Variants in WDR88 observed in about 807,000 individuals in gnomAD.
WDR88 encodes the protein WD repeat domain 88.
In WDR88, 40 loss-of-function variants were observed where a neutral mutation model predicts 46.8. The ratio of observed to expected loss-of-function variants is 0.86; its 90% confidence interval spans 0.66 to 1.11. WDR88 has a LOEUF of 1.11. Among genes scored for constraint, WDR88 ranks in the 50% most tolerant of loss-of-function variants. WDR88 has a pLI of 0.00. For synonymous variants in WDR88, 235 were observed against 240.7 expected (o/e 0.98, Z 0.22); for missense variants, 562 against 602.4 (o/e 0.93, Z 0.70).
At chr19:33,163,976 G>A (rs779215856) in intron 8 of WDR88, among the ~76,000 whole-genome samples, 1 of 150,298 alleles carries the variant, frequency 6.7e-6, no homozygotes, top group Non-Finnish European at 1.5e-5. Flanking sequence ...TTGACTTTTT[G>A]TTGTTTTTTT....
At chr19:33,166,782 C>A (rs1360584560) in intron 9 of WDR88, among the ~76,000 whole-genome samples, 1 of 150,188 alleles carries the variant, frequency 6.7e-6, no homozygotes, top group Non-Finnish European at 1.5e-5. Flanking sequence ...AGTGGTGGCG[C>A]ACACCTGTAG....
rs765538459 is a variant in WDR88 at position 33,160,416 on chromosome 19, T to C, written c.1000T>C (p.Ser334Pro). ...CACCCTTTCATTTTCTGTTGCAGGC[T>C]CTTTTCTCATTTCTGGAGGGTTTGA... is the stretch of plus-strand genomic sequence containing the variant. The part of the protein sequence containing the change: ...VSSCHFARDS[S>P]FLISGGFDRT... The change falls in exon 8 of 11, where the codon TCT becomes CCT. Residue 334 changes from serine (S) to proline (P), a missense_variant and splice_region_variant. Transcript: ENST00000355868. 6.2e-7 allele frequency: 1 copy of C among 1,614,052 alleles called. No individual in the cohort carries two copies. The highest frequency in any genetic ancestry group is 1.3e-5 in the African/African-American group (1 of 74,924).
chr19:33,139,922 C>T (rs1973354389), intron 2 of WDR88, among the ~76,000 whole-genome samples: 1 of 152,106 alleles, frequency 6.6e-6, no homozygotes, highest in Admixed American at 6.6e-5. Context: ...AGCTGTGTGA[C>T]CCTGGGGGGT....
intron 9 of WDR88, among the ~76,000 whole-genome samples, chr19:33,165,014 T>C (rs141922912): frequency 2.6e-4 from 39 of 151,528 alleles, no homozygotes; most frequent in African/African-American, 5.8e-4. Context: ...AGGCATTAGA[T>C]TCTCATAAGG....
At chr19:33,132,968 TG>T (rs1973161802) in intron 1 of WDR88, among the ~76,000 whole-genome samples, 1 of 152,006 alleles carries the variant, frequency 6.6e-6, no homozygotes. Flanking sequence ...GAGACCAGCC[TG>T]GGCAACATAG....
chr19:33,144,785 C>T (rs1973476660), intron 2 of WDR88, 59 bp from the exon 3 acceptor site: 8 of 1,517,806 alleles, frequency 5.3e-6, no homozygotes, highest in South Asian at 3.5e-5. Context: ...CCTCGATTTA[C>T]GACTTCAGCA....
intron 2 of WDR88, among the ~76,000 whole-genome samples, chr19:33,141,602 A>C (rs951273847): frequency 6.6e-6 from 1 of 152,092 alleles, no homozygotes; most frequent in African/African-American, 2.4e-5. Flanking sequence ...GATGAAGAAT[A>C]TTTTTCCCAG....
rs558300945 is a variant in WDR88, at chr19:33,145,100, T to C, written c.476+168T>C. On this transcript the variant is annotated intron_variant, in intron 3 of 10. Coordinates refer to ENST00000355868, the MANE Select transcript of WDR88 (RefSeq NM_173479.4). ...GGTCTCAAGCGATTCTCCTCCTGCA[T>C]TGGCCTCCCAAAGTGTTGACATTAC... Among the ~76,000 whole-genome samples the C allele has an allele frequency of 1.6e-4, 24 of 152,340 alleles. No homozygotes were observed. In the South Asian group the frequency reaches 1.7e-3, roughly 11 times the overall value.
In WDR88 at chr19:33,156,206, G is replaced by C. The variant is rs1973731150; in HGVS notation, c.810-149G>C. The stretch of plus-strand genomic sequence containing the variant: ...CACAGGAGATGCTGACCCCCACTTA[G>C]GTATGTCTTCAGGTCCTCTTGGGGC... On this transcript the variant is annotated intron_variant, in intron 6 of 10. Transcript: ENST00000355868. 3 of 663,012 alleles carry C rather than the reference G, an allele frequency of 4.5e-6. No individual in the cohort carries two copies. In the South Asian group the frequency reaches 6.2e-5, roughly 14 times the overall value. 41.1% of individuals were successfully genotyped at this position (663,012 alleles called of 1,614,324 possible).
At chr19:33,174,283 G>C (rs1200895178) in intron 10 of WDR88, 51 of 1,532,746 alleles carry the variant, frequency 3.3e-5, no homozygotes, top group Non-Finnish European at 4.3e-5. Context: ...AGGCTTCCCC[G>C]AGGCCTGCCC....
chr19:33,148,948 A>G (rs747262530), intron 5 of WDR88, 38 bp downstream of exon 5: 7 of 1,612,822 alleles, frequency 4.3e-6, no homozygotes, highest in South Asian at 2.2e-5. Flanking sequence ...TCAGTCTGCC[A>G]TAGGAATAGC....
Position 33,132,143 on chromosome 19 carries a change from G to T in WDR88, c.-27G>T. 1 of 1,558,812 alleles carries T rather than the reference G, an allele frequency of 6.4e-7. No individual in the cohort carries two copies. ...CCACCGTTCCCATCCAGGCTTGTCG[G>T]CGGCCACCGGCGGACCGGGCTTCGA... On this transcript the variant is annotated 5_prime_UTR_variant, in exon 1 of 11. Coordinates refer to ENST00000355868, the MANE Select transcript of WDR88 (RefSeq NM_173479.4).
intron 7 of WDR88, 105 bp from the exon 8 acceptor site, chr19:33,160,309 A>G: frequency 9.1e-7 from 1 of 1,100,644 alleles, no homozygotes; most frequent in Non-Finnish European, 1.4e-6. Context: ...CAGTGTTGTC[A>G]GAGTGAGATG....
At chr19:33,162,041 C>CTTA (rs1236967462) in intron 8 of WDR88, among the ~76,000 whole-genome samples, 4 of 152,010 alleles carry the variant, frequency 2.6e-5, no homozygotes, top group African/African-American at 9.7e-5. Context: ...AGCGGTTTAA[C>CTTA]CTTCCCTCTG....
At chr19:33,142,212 G>T (rs1973409997) in intron 2 of WDR88, among the ~76,000 whole-genome samples, 2 of 152,056 alleles carry the variant, frequency 1.3e-5, no homozygotes, top group Non-Finnish European at 2.9e-5. Context: ...GCCAGCAGGG[G>T]GGGACGAAGA....
intron 8 of WDR88, among the ~76,000 whole-genome samples, chr19:33,161,341 C>A (rs8113143): frequency 0.53 from 79,900 of 151,976 alleles, 25,609 homozygotes; most frequent in African/African-American, 0.88. Flanking sequence ...CTCTATGATA[C>A]GGGGATGTGT....
At chr19:33,172,169 G>A (rs1402332204) in intron 9 of WDR88, among the ~76,000 whole-genome samples, 179 bp from the exon 10 acceptor site, 3 of 152,132 alleles carry the variant, frequency 2.0e-5, no homozygotes, top group Non-Finnish European at 4.4e-5. Flanking sequence ...AATGTCATAT[G>A]GTTGGAATTA....
intron 4 of WDR88, among the ~76,000 whole-genome samples, chr19:33,148,017 G>T (rs886977323): frequency 1.3e-5 from 2 of 151,994 alleles, no homozygotes; most frequent in Non-Finnish European, 2.9e-5. Flanking sequence ...AGAATTGGGG[G>T]TGGGGTGTGG....
At chr19:33,142,892 G>A (rs937741430) in intron 2 of WDR88, 1 of 150,366 alleles carries the variant, frequency 6.7e-6, no homozygotes, top group Admixed American at 6.7e-5. Context: ...GCCGGGGGGC[G>A]GGAATAACGT....
Sources: gnomAD v4.1 joint callset for allele counts (sites outside exome capture counted in the v4.1 genomes callset) on GRCh38, gnomAD v4.1.1 for gene constraint, MANE v1.5 for transcripts, NCBI Gene and HGNC (gene_info 2026-07-23, HGNC 2026-07-21) for gene names.